The following ABLIM1 variants were observed in gnomAD, a reference collection of about 807,000 sequenced individuals.
ABLIM1 encodes the protein actin-binding LIM protein 1.
A neutral mutation model predicts 107.0 loss-of-function variants in ABLIM1; 40 were observed. The observed-to-expected ratio is 0.37, with a 90% confidence interval of 0.29 to 0.49. ABLIM1 has a LOEUF of 0.49. Among genes scored for constraint, ABLIM1 ranks in the 20% least tolerant of loss-of-function variants. ABLIM1 has a pLI of 0.97. For synonymous variants in ABLIM1, 357 were observed against 357.3 expected, an observed-to-expected ratio of 1.00 and a Z score of 0.01; for missense variants, 857 against 1,008.5, an observed-to-expected ratio of 0.85 and a Z score of 2.04.
At position 114,638,622 on chromosome 10, in the gene ABLIM1, T is replaced by TACAC. The variant is rs59605861; in HGVS notation, c.244+19331_244+19334dup. 3.1e-3 allele frequency among the ~76,000 whole-genome samples: 442 copies of TACAC among 143,840 alleles called. 3 individuals are homozygous for TACAC. Among genetic ancestry groups the TACAC allele is most frequent in the South Asian group, 0.012 (52 of 4,186 alleles). 94.4% of individuals were successfully genotyped at this position (143,840 alleles called of 152,430 possible). ...AGAGCCTCTCGTCCCATGCCCTGCCTACACACACACACACACACACACACA... is the reference window on the plus strand; with the variant it reads ...AGAGCCTCTCGTCCCATGCCCTGCCTACACACACACACACACACACACACACACA... On this transcript the variant is annotated intron_variant, in intron 1 of 22. Transcript: ENST00000533213.
intron 21 of ABLIM1, among the ~76,000 whole-genome samples, chr10:114,438,246 G>A (rs376194947): frequency 1.3e-5 from 2 of 152,076 alleles, no homozygotes; most frequent in Admixed American, 6.5e-5. Context: ...TTACAGGCAC[G>A]TGTTTTTTGT....
chr10:114,690,016 T>A, intron 1 of ABLIM1: 1 of 637,528 alleles, frequency 1.6e-6, no homozygotes. Context: ...AAGGAAAACA[T>A]GGAACCCAAA....
At chr10:114,631,856 A>G (rs576129328) in intron 1 of ABLIM1, 1 of 1,301,286 alleles carries the variant, frequency 7.7e-7, no homozygotes, top group Non-Finnish European at 1.0e-6. Context: ...CTGCGGTGCC[A>G]TTCCAACTTC....
intron 12 of ABLIM1, among the ~76,000 whole-genome samples, chr10:114,456,537 G>C (rs1327348098): frequency 6.6e-6 from 1 of 152,116 alleles, no homozygotes; most frequent in Non-Finnish European, 1.5e-5. Flanking sequence ...GACCTCCACT[G>C]TCCTTGCAGA....
chr10:114,533,637 A>T (rs922520507), intron 6 of ABLIM1, among the ~76,000 whole-genome samples: 1 of 152,236 alleles, frequency 6.6e-6, no homozygotes, highest in South Asian at 2.1e-4. Context: ...GCCATTTAAT[A>T]CTGTGGGTCC....
chr10:114,675,689 A>T (rs1352480080), intron 1 of ABLIM1, among the ~76,000 whole-genome samples: 1 of 152,212 alleles, frequency 6.6e-6, no homozygotes, highest in Non-Finnish European at 1.5e-5. Context: ...AAGATGTACT[A>T]GTTTTCTGGG....
chr10:114,502,519 C>G (rs1309020253), intron 6 of ABLIM1, among the ~76,000 whole-genome samples: 1 of 151,932 alleles, frequency 6.6e-6, no homozygotes, highest in Non-Finnish European at 1.5e-5. Flanking sequence ...TTTTTTGAGA[C>G]AGAGATTCAC....
rs768663457 is a variant in ABLIM1 at position 114,613,615 on chromosome 10, C to T, written c.245-11654G>A. ...TGTGAACCCTTTCTGAAAAGGCACT[C>T]TTGCTCTTGCACTGTGAATAAAGAC... On this transcript the variant is annotated intron_variant, in intron 1 of 22. Coordinates refer to ENST00000533213, the MANE Select transcript of ABLIM1 (RefSeq NM_002313.7). 5.6e-6 allele frequency: 7 copies of T among 1,239,006 alleles called. No individual in the cohort carries two copies. The Middle Eastern group carries it at 1.3e-3, about 232-fold the overall frequency. The allele number at this position is 1,239,006 out of a possible 1,614,324, so 76.8% of individuals were successfully genotyped here.
intron 1 of ABLIM1, among the ~76,000 whole-genome samples, chr10:114,736,978 C>T (rs1053950221): frequency 3.9e-5 from 6 of 152,174 alleles, no homozygotes; most frequent in African/African-American, 1.4e-4. Context: ...CACTTGAGGC[C>T]AGGAGTTCAA....
At chr10:114,727,061 A>C (rs538291799) in intron 1 of ABLIM1, among the ~76,000 whole-genome samples, 15 of 152,360 alleles carry the variant, frequency 9.8e-5, no homozygotes, top group African/African-American at 2.9e-4. Flanking sequence ...AAATGTCGTC[A>C]TCAAAACCTT....
intron 6 of ABLIM1, among the ~76,000 whole-genome samples, chr10:114,515,233 C>T (rs2062623332): frequency 6.6e-6 from 1 of 152,200 alleles, no homozygotes; most frequent in East Asian, 1.9e-4. Context: ...CATGTCAAGG[C>T]TACCCTGCTT....
intron 1 of ABLIM1, chr10:114,690,544 C>T: frequency 7.8e-7 from 1 of 1,283,890 alleles, no homozygotes; most frequent in Non-Finnish European, 1.1e-6. Flanking sequence ...AGGTTTTCTG[C>T]TGTCTTTGGA....
intron 1 of ABLIM1, among the ~76,000 whole-genome samples, chr10:114,746,613 T>C (rs1264134747): frequency 6.6e-6 from 1 of 152,224 alleles, no homozygotes; most frequent in East Asian, 1.9e-4. Context: ...AATTTTATTT[T>C]TAGTTTCTGG....
chr10:114,656,006 C>T (rs1006191691), intron 1 of ABLIM1, among the ~76,000 whole-genome samples: 1 of 152,172 alleles, frequency 6.6e-6, no homozygotes, highest in Non-Finnish European at 1.5e-5. Context: ...CGCGGTGGCT[C>T]ATGCCTATAA....
intron 1 of ABLIM1, among the ~76,000 whole-genome samples, chr10:114,641,421 A>G (rs559444729): frequency 6.6e-6 from 1 of 152,332 alleles, no homozygotes; most frequent in South Asian, 2.1e-4. Flanking sequence ...GAAAACAGAC[A>G]AAAATCCTTG....
chr10:114,657,666 C>A (rs1259529916), intron 1 of ABLIM1, among the ~76,000 whole-genome samples: 1 of 152,132 alleles, frequency 6.6e-6, no homozygotes, highest in East Asian at 1.9e-4. Context: ...AGAGATCTTT[C>A]TTTTCCATCA....
At chr10:114,780,305 C>A in the ABLIM1 span, among the ~76,000 whole-genome samples, 1 of 152,140 alleles carries the variant, frequency 6.6e-6, no homozygotes, top group Non-Finnish European at 1.5e-5. Flanking sequence ...TGTCAAAAGA[C>A]AAAATTACAA....
chr10:114,525,006 C>T (rs2064442625), intron 6 of ABLIM1, among the ~76,000 whole-genome samples: 1 of 152,248 alleles, frequency 6.6e-6, no homozygotes, highest in South Asian at 2.1e-4. Flanking sequence ...GCAGTAGGCC[C>T]CAAGACAGGT....
In ABLIM1 at chr10:114,575,426, T is replaced by C. The variant is rs751926689; in HGVS notation, c.553A>G (p.Thr185Ala). 4 of 1,613,786 alleles carry C rather than the reference T, an allele frequency of 2.5e-6. No homozygotes were observed. Among genetic ancestry groups the C allele is most frequent in the Admixed American group, 3.3e-5 (2 of 59,974 alleles). ...GATAGGCTCACTTACTTGCAGATAG[T>C]ACAAGCAAAGCAATTGGGATGGTAG... ...KTYHPNCFAC[T>A]ICKRPFPPGD... The change falls in exon 3 of 23, where the codon ACT becomes GCT. Residue 185 changes from threonine (T) to alanine (A), a missense_variant. Around this residue, in one of 5 missense-constraint regions of ABLIM1, gnomAD observed 381 missense variants for 506.9 expected, o/e 0.75. Transcript: ENST00000533213.
Sources: allele counts gnomAD v4.1 joint callset (sites outside exome capture counted in the v4.1 genomes callset), GRCh38; gene constraint gnomAD v4.1.1; regional missense constraint gnomAD v4.1.1; transcripts MANE v1.5; gene names NCBI Gene and HGNC (gene_info 2026-07-23, HGNC 2026-07-21).